NPY1R: variants seen among roughly 807,000 people sequenced by gnomAD.
NPY1R encodes the protein neuropeptide Y receptor Y1.
In NPY1R, 10 loss-of-function variants were observed where a neutral mutation model predicts 24.1. The ratio of observed to expected loss-of-function variants is 0.42; its 90% confidence interval spans 0.26 to 0.71. NPY1R has a LOEUF of 0.71. Among genes scored for constraint, NPY1R ranks in the 30% least tolerant of loss-of-function variants. The probability of loss-of-function intolerance (pLI) is 0.28; values close to 1 mark genes in which losing one functional copy is unlikely to be tolerated. For missense variants in NPY1R, 350 were observed against 458.0 expected (o/e 0.76, Z 2.15); for synonymous variants, 168 against 165.9 (o/e 1.01, Z -0.10).
chr4:163,336,214 G>T (rs181873058), upstream of NPY1R, among the ~76,000 whole-genome samples: 6 of 152,088 alleles, frequency 3.9e-5, no homozygotes, highest in East Asian at 3.9e-4. Context: ...TCACAATAAG[G>T]CTCTAGACAA....
chr4:163,342,444 A>G (rs1735010519), intron 1 of NPY1R, among the ~76,000 whole-genome samples: 1 of 152,100 alleles, frequency 6.6e-6, no homozygotes, highest in African/African-American at 2.4e-5. Flanking sequence ...AACAAGCCTT[A>G]TTTTCTCAAG....
intron 1 of NPY1R, among the ~76,000 whole-genome samples, chr4:163,327,370 G>A (rs1168304687): frequency 9.2e-5 from 14 of 152,178 alleles, no homozygotes; most frequent in Non-Finnish European, 1.9e-4. Flanking sequence ...AGAACACAGC[G>A]TTGAGCTTAG....
intron 1 of NPY1R, among the ~76,000 whole-genome samples, chr4:163,343,634 C>T (rs1478508630): frequency 6.6e-6 from 1 of 152,106 alleles, no homozygotes; most frequent in African/African-American, 2.4e-5. Context: ...AGGGCTGGAC[C>T]GGCAAAACTC....
chr4:163,325,838 GA>G lies in NPY1R; in HGVS notation c.699+17del, dbSNP rs761089825. 17 of 1,601,526 alleles carry G rather than the reference GA, an allele frequency of 1.1e-5. No homozygotes were observed. In the Middle Eastern group the frequency reaches 5.0e-4, roughly 47 times the overall value. ...AAAGAAGGTAAAAATGGAAATGATA[GA>G]AAAAAAGTTTTCTTACCTTGAAGTA... On this transcript the variant is annotated intron_variant, in intron 2 of 2. Transcript: ENST00000296533.
At chr4:163,341,563 C>T (rs1355823964) in intron 1 of NPY1R, among the ~76,000 whole-genome samples, 1 of 152,122 alleles carries the variant, frequency 6.6e-6, no homozygotes, top group Non-Finnish European at 1.5e-5. Flanking sequence ...ACTGTTTTAT[C>T]GTTCAATAAT....
intron 1 of NPY1R, among the ~76,000 whole-genome samples, chr4:163,340,926 A>G (rs952831381): frequency 1.1e-4 from 17 of 152,112 alleles, no homozygotes; most frequent in South Asian, 2.1e-4. Flanking sequence ...TTAGGGCATC[A>G]AAAGGATAAA....
intron 1 of NPY1R, among the ~76,000 whole-genome samples, chr4:163,329,563 C>T (rs1416822743): frequency 1.3e-5 from 2 of 150,742 alleles, no homozygotes; most frequent in East Asian, 1.9e-4. Context: ...TTCAGGCCAC[C>T]GCACTCCAGC....
Position 163,326,008 on chromosome 4 carries a change from G to T in NPY1R, c.547C>A (p.Pro183Thr), listed in dbSNP as rs1225632792. 6.2e-7 allele frequency: 1 copy of T among 1,614,060 alleles called. No homozygotes were observed. Among genetic ancestry groups the T allele is most frequent in the Non-Finnish European group, 8.5e-7 (1 of 1,179,972 alleles). Residue 183 changes from proline (P) to threonine (T), a missense_variant, in exon 2 of 3, where the codon CCG becomes ACG. Transcript: ENST00000296533. ...GCATCAAGTGTTACATTTTGGAACGGCTCATCAGTCATTACTTGGTAGATC... is the reference window on the plus strand; with the variant it reads ...GCATCAAGTGTTACATTTTGGAACGTCTCATCAGTCATTACTTGGTAGATC... ...FLIYQVMTDE[P>T]FQNVTLDAYK... is the part of the protein sequence containing the mutation.
exon 1 of NPY1R, chr4:163,344,406 G>C (rs1578949325): frequency 3.3e-5 from 5 of 152,420 alleles, no homozygotes; most frequent in East Asian, 1.9e-4. Flanking sequence ...CGCTGCCCCC[G>C]GCTGGACGCG....
In NPY1R at chr4:163,326,616, A is replaced by C. The variant is rs1478132257; in HGVS notation, c.-62T>G. 9 of 1,040,756 alleles carry C rather than the reference A, an allele frequency of 8.6e-6. No individual in the cohort carries two copies. The highest frequency in any genetic ancestry group is 1.3e-5 in the Non-Finnish European group (9 of 702,194). The allele number at this position is 1,040,756 out of a possible 1,614,324, so 64.5% of individuals were successfully genotyped here. A position where few individuals can be genotyped will look rare whatever the true frequency, so the allele number is the denominator to read the frequency against. On this transcript the variant is annotated 5_prime_UTR_variant, in exon 2 of 3. Coordinates refer to ENST00000296533, the MANE Select transcript of NPY1R (RefSeq NM_000909.6). ...AATGGACAGTATGTTTCTTCAAAGC[A>C]GGTCAACTGTTCAGCTTATTCTTAT... is the stretch of plus-strand genomic sequence containing the variant.
At chr4:163,332,986 C>T (rs1333880819), upstream of NPY1R, 3 of 152,178 alleles carry the variant, frequency 2.0e-5, no homozygotes, top group African/African-American at 7.2e-5. Context: ...AATCAAAGGG[C>T]TCGCTGGGAA....
intron 1 of NPY1R, among the ~76,000 whole-genome samples, chr4:163,341,416 T>C (rs533193437): frequency 1.3e-5 from 2 of 152,160 alleles, no homozygotes; most frequent in Non-Finnish European, 2.9e-5. Context: ...CAAAGTCAAA[T>C]ATCATTTGAG....
chr4:163,340,466 A>C (rs1339790258), intron 1 of NPY1R, among the ~76,000 whole-genome samples: 1 of 152,078 alleles, frequency 6.6e-6, no homozygotes, highest in Non-Finnish European at 1.5e-5. Context: ...AATAATGGAA[A>C]ACTTTAGCAT....
chr4:163,325,393 C>G lies in NPY1R; in HGVS notation c.1065G>C (p.Met355Ile), dbSNP rs1200386832. 1.2e-6 allele frequency: 2 copies of G among 1,613,922 alleles called. No individual in the cohort carries two copies. Among genetic ancestry groups the G allele is most frequent in the African/African-American group, 2.7e-5 (2 of 74,870 alleles). Residue 355 changes from methionine to isoleucine, a missense_variant, in exon 3 of 3, where the codon ATG becomes ATC. Coordinates refer to ENST00000296533, the MANE Select transcript of NPY1R (RefSeq NM_000909.6). ...DDYETIAMST[M>I]HTDVSKTSLK... ...AAGAAGTTTTGGAAACATCTGTGTG[C>G]ATCGTGGACATGGCTATTGTTTCAT...
intron 1 of NPY1R, among the ~76,000 whole-genome samples, chr4:163,341,823 T>A (rs1734987143): frequency 6.6e-6 from 1 of 152,202 alleles, no homozygotes; most frequent in Admixed American, 6.5e-5. Flanking sequence ...AAAATAAAAA[T>A]AAAATTATTA....
At chr4:163,329,556 A>G (rs1734681918) in intron 1 of NPY1R, among the ~76,000 whole-genome samples, 1 of 151,762 alleles carries the variant, frequency 6.6e-6, no homozygotes, top group African/African-American at 2.4e-5. Context: ...AGCCAAGTTC[A>G]GGCCACCGCA....
intron 1 of NPY1R, among the ~76,000 whole-genome samples, chr4:163,340,172 T>C (rs1049948920): frequency 1.8e-4 from 27 of 152,064 alleles, no homozygotes; most frequent in African/African-American, 5.5e-4. Flanking sequence ...AATGGAAACA[T>C]TTTTAAAAAT....
upstream of NPY1R, among the ~76,000 whole-genome samples, chr4:163,333,498 C>T (rs940559870): frequency 6.6e-6 from 1 of 151,340 alleles, no homozygotes; most frequent in African/African-American, 2.4e-5. Context: ...ATTATGTAGA[C>T]GATGAACTGA....
intron 1 of NPY1R, among the ~76,000 whole-genome samples, chr4:163,342,786 G>A (rs1283540493): frequency 6.6e-6 from 1 of 152,018 alleles, no homozygotes; most frequent in East Asian, 1.9e-4. Flanking sequence ...GCTCCCAAGG[G>A]GTACAGTTCT....
Sources: gnomAD v4.1 joint callset for allele counts (sites outside exome capture counted in the v4.1 genomes callset) on GRCh38, gnomAD v4.1.1 for gene constraint, MANE v1.5 for transcripts, NCBI Gene and HGNC (gene_info 2026-07-23, HGNC 2026-07-21) for gene names.